Variants in ME1 observed in about 807,000 individuals in gnomAD.
ME1 encodes malic enzyme 1.
Under a neutral mutation model 66.4 loss-of-function variants are expected in ME1, and 74 were observed. The observed-to-expected ratio is 1.11, with a 90% CI of 0.92 to 1.35. ME1 has a LOEUF of 1.35. ME1 is among the 40% of genes most tolerant of loss of function. ME1 has a pLI of 0.00. For missense variants in ME1, 750 were observed against 694.1 expected (o/e 1.08, Z -0.90); for synonymous variants, 251 against 235.6 (o/e 1.07, Z -0.60).
intron 5 of ME1, among the ~76,000 whole-genome samples, chr6:83,342,642 A>G (rs985849566): frequency 1.3e-5 from 2 of 152,158 alleles, no homozygotes; most frequent in African/African-American, 2.4e-5. Context: ...GGAACGTGTA[A>G]TGATCCAGTC....
rs138329576 is a variant in ME1, at chr6:83,405,723, T to TTG, written c.212+2044_212+2045insCA. On this transcript the variant is annotated intron_variant, in intron 2 of 13. Coordinates refer to ENST00000369705, the MANE Select transcript of ME1 (RefSeq NM_002395.6). ...AGAGTTTTTTTTGTTGTTGTTGTTG[T>TTG]TTTTTTTTTTTTTTTTGAGACGGAG... Among the ~76,000 whole-genome samples the TTG allele has an allele frequency of 1.6e-3, 209 of 127,778 alleles. 1 individual carries two copies. The East Asian group carries it at 0.03, about 18-fold the overall frequency. 83.8% of individuals were successfully genotyped at this position (127,778 alleles called of 152,430 possible).
intron 1 of ME1, among the ~76,000 whole-genome samples, chr6:83,425,697 A>T (rs967057899): frequency 7.2e-5 from 11 of 152,214 alleles, no homozygotes; most frequent in Non-Finnish European, 1.5e-5. Context: ...AGGAACACAG[A>T]CAAACCATAT....
At chr6:83,310,895 A>C (rs950455885) in intron 6 of ME1, among the ~76,000 whole-genome samples, 6 of 152,158 alleles carry the variant, frequency 3.9e-5, no homozygotes, top group Admixed American at 3.9e-4. Flanking sequence ...AGAATATTCA[A>C]GCTCCCAAAC....
intron 1 of ME1, among the ~76,000 whole-genome samples, chr6:83,418,060 C>T (rs994136412): frequency 1.3e-5 from 2 of 152,146 alleles, no homozygotes; most frequent in Non-Finnish European, 2.9e-5. Flanking sequence ...ACATGATATT[C>T]CCAGAAACAC....
intron 3 of ME1, among the ~76,000 whole-genome samples, chr6:83,354,289 G>A (rs2128544872): frequency 6.6e-6 from 1 of 152,268 alleles, no homozygotes; most frequent in Non-Finnish European, 1.5e-5. Context: ...ACCACGCCTA[G>A]CTAATTTTTG....
intron 9 of ME1, among the ~76,000 whole-genome samples, chr6:83,237,280 G>GAAAGAAAGAAAGAAAGAAAGA (rs1562455285): frequency 9.2e-5 from 2 of 21,624 alleles, no homozygotes; most frequent in East Asian, 1.0e-3. Context: ...AGAAAGAAAG[G>GAAAGAAAGAAAGAAAGAAAGA]AAGGAAGGAA....
chr6:83,249,900 C>T (rs779495566), intron 7 of ME1, among the ~76,000 whole-genome samples: 4 of 152,158 alleles, frequency 2.6e-5, no homozygotes, highest in Non-Finnish European at 4.4e-5. Flanking sequence ...TCACTTTCTT[C>T]CCTATCCAGC....
At chr6:83,347,388 A>T (rs1288166684) in intron 4 of ME1, among the ~76,000 whole-genome samples, 1 of 152,232 alleles carries the variant, frequency 6.6e-6, no homozygotes, top group Non-Finnish European at 1.5e-5. Context: ...GAATTTAAAC[A>T]AAACCAATCT....
At chr6:83,417,914 T>C (rs1466098442) in intron 1 of ME1, among the ~76,000 whole-genome samples, 3 of 152,232 alleles carry the variant, frequency 2.0e-5, no homozygotes, top group Non-Finnish European at 1.5e-5. Context: ...ATATTATGTA[T>C]ACTGTTTATT....
chr6:83,280,302 C>T (rs1767263777), intron 6 of ME1, among the ~76,000 whole-genome samples: 1 of 151,914 alleles, frequency 6.6e-6, no homozygotes, highest in South Asian at 2.1e-4. Flanking sequence ...AGTTTATGGA[C>T]AAGTGAAACA....
chr6:83,247,317 AATT>A (rs1408915613), intron 7 of ME1, among the ~76,000 whole-genome samples: 1 of 152,042 alleles, frequency 6.6e-6, no homozygotes, highest in Non-Finnish European at 1.5e-5. Flanking sequence ...CAGATTATAT[AATT>A]ATGTGGCCAA....
chr6:83,225,563 T>C (rs1424113136), intron 11 of ME1, among the ~76,000 whole-genome samples: 1 of 151,982 alleles, frequency 6.6e-6, no homozygotes, highest in Non-Finnish European at 1.5e-5. Context: ...ATAACAGAAA[T>C]TCAACCTTCT....
At chr6:83,242,713 A>T (rs550568794) in intron 7 of ME1, among the ~76,000 whole-genome samples, 1 of 152,264 alleles carries the variant, frequency 6.6e-6, no homozygotes, top group East Asian at 1.9e-4. Flanking sequence ...GAAAAGAAAA[A>T]AATTAAAAAG....
chr6:83,255,754 C>T lies in ME1; in HGVS notation c.705-2016G>A, dbSNP rs117607383. On this transcript the variant is annotated intron_variant, in intron 6 of 13. Transcript: ENST00000369705. ...TGTTTCTGTGCTTTCCCATTTTATT[C>T]TACTACTGCTGATGACAACAAATAT... Among the ~76,000 whole-genome samples, 877 of 152,110 alleles carry T rather than the reference C, an allele frequency of 5.8e-3. 17 individuals carry two copies. The East Asian group carries it at 0.067, about 12-fold the overall frequency.
chr6:83,223,595 A>C (rs1160746287), intron 12 of ME1, among the ~76,000 whole-genome samples, 165 bp downstream of exon 12: 17 of 152,252 alleles, frequency 1.1e-4, no homozygotes, highest in Non-Finnish European at 4.4e-5. Flanking sequence ...TTTGTGAGTC[A>C]GTATGAACAT....
At chr6:83,281,987 C>T (rs1767305198) in intron 6 of ME1, among the ~76,000 whole-genome samples, 1 of 150,460 alleles carries the variant, frequency 6.6e-6, no homozygotes, top group Non-Finnish European at 1.5e-5. Flanking sequence ...TCAATCAGAG[C>T]TTCTGGAATT....
At chr6:83,325,961 A>C (rs1011791011) in intron 5 of ME1, among the ~76,000 whole-genome samples, 10 of 150,830 alleles carry the variant, frequency 6.6e-5, no homozygotes, top group Admixed American at 2.6e-4. Context: ...AAAAAAAAAA[A>C]AACAAAGCTG....
At chr6:83,404,822 T>G (rs1769908378) in intron 2 of ME1, among the ~76,000 whole-genome samples, 1 of 152,184 alleles carries the variant, frequency 6.6e-6, no homozygotes, top group South Asian at 2.1e-4. Flanking sequence ...GTTGTAGATG[T>G]GTGGTGTTAT....
At chr6:83,316,463 T>C (rs976315466) in intron 5 of ME1, among the ~76,000 whole-genome samples, 1 of 152,030 alleles carries the variant, frequency 6.6e-6, no homozygotes, top group African/African-American at 2.4e-5. Flanking sequence ...CCACAGCTGA[T>C]AGCATATTTA....
Sources: gnomAD v4.1 joint callset for allele counts (sites outside exome capture counted in the v4.1 genomes callset) on GRCh38, gnomAD v4.1.1 for gene constraint, MANE v1.5 for transcripts, NCBI Gene and HGNC (gene_info 2026-07-23, HGNC 2026-07-21) for gene names.